The following C1QC variants were observed in gnomAD, a reference collection of about 807,000 sequenced individuals.
The protein encoded by C1QC is complement C1q C chain.
A neutral mutation model predicts 5.9 loss-of-function variants in C1QC; 4 were observed. The observed-to-expected ratio is 0.68, with a 90% CI of 0.33 to 1.55. The LOEUF is 1.55. C1QC is among the 40% of genes most tolerant of loss of function. C1QC has a pLI of 0.06. For synonymous variants in C1QC, 166 were observed against 153.8 expected (o/e 1.08, Z -0.59); for missense variants, 299 against 326.9 (o/e 0.91, Z 0.66).
At position 22,647,421 on chromosome 1, in the gene C1QC, C is replaced by T. The variant is rs759613063; in HGVS notation, c.376C>T (p.Arg126Trp). The T allele has an allele frequency of 1.9e-5, 30 of 1,613,994 alleles. No homozygotes were observed. Among genetic ancestry groups the T allele is most frequent in the African/African-American group, 2.7e-5 (2 of 74,902 alleles). The change falls in exon 3 of 3, where the codon CGG (arginine) becomes TGG (tryptophan). Residue 126 changes from arginine to tryptophan, a missense_variant. By Grantham distance (101) the Arg-to-Trp change is moderately radical. Coordinates refer to ENST00000374640, the MANE Select transcript of C1QC (RefSeq NM_172369.5). ...ATTCCAGTCAGTGTTCACGGTCACT[C>T]GGCAGACCCACCAGCCCCCTGCACC... is the stretch of plus-strand genomic sequence containing the variant. Reference protein sequence around the residue: ...QKFQSVFTVTRQTHQPPAPNS... With the variant: ...QKFQSVFTVTWQTHQPPAPNS...
Position 22,647,504 on chromosome 1 carries a change from G to A in C1QC, c.459G>A (p.Thr153=), listed in dbSNP as rs201352064. 85 of 1,614,212 alleles carry A rather than the reference G, an allele frequency of 5.3e-5. No homozygotes were observed. The highest frequency in any genetic ancestry group is 3.1e-4 in the African/African-American group (23 of 75,048). Residue 153 remains threonine (T), a synonymous_variant, in exon 3 of 3, where the codon ACG becomes ACA. Transcript: ENST00000374640. ...CCAACCCGCAGGGAGATTATGACAC[G>A]AGCACTGGCAAGTTCACCTGCAAAG... ...VLTNPQGDYD[T]STGKFTCKVP...
In C1QC at chr1:22,647,551, T is replaced by C. The variant is rs1642391911; in HGVS notation, c.506T>C (p.Val169Ala). The C allele has an allele frequency of 6.2e-7, 1 of 1,614,248 alleles. No homozygotes were observed. Among genetic ancestry groups the C allele is most frequent in the Non-Finnish European group, 8.5e-7 (1 of 1,180,040 alleles). Residue 169 changes from valine to alanine, a missense_variant, in exon 3 of 3, where the codon GTC becomes GCC. Val to Ala is a moderately conservative substitution (Grantham distance 64). Coordinates refer to ENST00000374640, the MANE Select transcript of C1QC (RefSeq NM_172369.5). ...TCKVPGLYYF[V>A]YHASHTANLC... ...AAAGTCCCCGGCCTCTACTACTTTG[T>C]CTACCACGCGTCGCATACAGCCAAC...
rs1461313017 is a variant in C1QC at position 22,647,940 on chromosome 1, C to A, written c.*157C>A. 1.1e-5 allele frequency: 10 copies of A among 930,148 alleles called. No individual in the cohort carries two copies. The highest frequency in any genetic ancestry group is 3.3e-5 in the South Asian group (2 of 60,436). The allele number at this position is 930,148 out of a possible 1,614,324, so 57.6% of individuals were successfully genotyped here. A position where few individuals can be genotyped will look rare whatever the true frequency, so the allele number is the denominator to read the frequency against. ...CCCACCCTGACCCACCCCCACTGCA[C>A]CCCCTCCCCATGGGTTCTCTCCTTC... On this transcript the variant is annotated 3_prime_UTR_variant, in exon 3 of 3. Transcript: ENST00000374640.
At chr1:22,645,792 G>A (rs1430133055) in intron 2 of C1QC, among the ~76,000 whole-genome samples, 1 of 152,118 alleles carries the variant, frequency 6.6e-6, no homozygotes, top group African/African-American at 2.4e-5. Flanking sequence ...CAGGGTCACA[G>A]ATGTGAAGGC....
chr1:22,645,261 C>T (rs556534037), intron 2 of C1QC, among the ~76,000 whole-genome samples: 1 of 152,168 alleles, frequency 6.6e-6, no homozygotes, highest in African/African-American at 2.4e-5. Context: ...TGCCATTTTC[C>T]AGGAGCTTGT....
chr1:22,644,347 G>A (rs750643763), intron 2 of C1QC, 143 bp downstream of exon 2: 12 of 1,158,708 alleles, frequency 1.0e-5, no homozygotes, highest in East Asian at 8.0e-5. Flanking sequence ...GGACTCTCAC[G>A]GTGTGTCTGG....
At chr1:22,644,374 GC>G (rs1219749551) in intron 2 of C1QC, among the ~76,000 whole-genome samples, 170 bp downstream of exon 2, 1 of 152,130 alleles carries the variant, frequency 6.6e-6, no homozygotes, top group East Asian at 1.9e-4. Flanking sequence ...TATCCTCAGA[GC>G]CCAGGCTTCA....
In C1QC at chr1:22,647,855, G is replaced by A; in HGVS notation, c.*72G>A. The A allele has an allele frequency of 1.3e-6, 2 of 1,585,090 alleles. No individual in the cohort carries two copies. The highest frequency in any genetic ancestry group is 2.2e-5 in the East Asian group (1 of 44,660). On this transcript the variant is annotated 3_prime_UTR_variant, in exon 3 of 3. Coordinates refer to ENST00000374640, the MANE Select transcript of C1QC (RefSeq NM_172369.5). ...CTTCCTGCATGGACCCACCTTACTG[G>A]CCAGTCTGCATCCTTGCCTAGACCA... is the stretch of plus-strand genomic sequence containing the variant.
chr1:22,645,795 G>A (rs1294026504), intron 2 of C1QC, among the ~76,000 whole-genome samples: 1 of 152,158 alleles, frequency 6.6e-6, no homozygotes, highest in East Asian at 1.9e-4. Flanking sequence ...GGTCACAGAT[G>A]TGAAGGCCAG....
intron 2 of C1QC, among the ~76,000 whole-genome samples, chr1:22,644,871 G>A (rs954918421): frequency 9.2e-5 from 14 of 152,170 alleles, no homozygotes; most frequent in Non-Finnish European, 2.9e-5. Context: ...GGAGTAGGAG[G>A]TCAGGATCGC....
intron 2 of C1QC, 110 bp from the exon 3 acceptor site, chr1:22,647,117 G>T (rs908591364): frequency 7.8e-7 from 1 of 1,287,856 alleles, no homozygotes; most frequent in Admixed American, 2.0e-5. Flanking sequence ...TCTATGAGAA[G>T]GAGATTCTAG....
chr1:22,647,543 C>T lies in C1QC; in HGVS notation c.498C>T (p.Tyr166=), dbSNP rs756009856. The change falls in exon 3 of 3, where the codon TAC becomes TAT. Residue 166 remains tyrosine (Y), a synonymous_variant. Transcript: ENST00000374640. The part of the protein sequence containing the change: ...GKFTCKVPGL[Y]YFVYHASHTA... Reference sequence around the variant, plus strand: ...TCACCTGCAAAGTCCCCGGCCTCTACTACTTTGTCTACCACGCGTCGCATA... The same window carrying T: ...TCACCTGCAAAGTCCCCGGCCTCTATTACTTTGTCTACCACGCGTCGCATA... 6.2e-7 allele frequency: 1 copy of T among 1,614,258 alleles called. No homozygotes were observed. The highest frequency in any genetic ancestry group is 8.5e-7 in the Non-Finnish European group (1 of 1,180,058).
In C1QC at chr1:22,647,836, G is replaced by T; in HGVS notation, c.*53G>T. 1.9e-6 allele frequency: 3 copies of T among 1,595,496 alleles called. No individual in the cohort carries two copies. The highest frequency in any genetic ancestry group is 1.1e-5 in the South Asian group (1 of 90,810). ...GGCCTTCCACCTCCCTCAGCTTCCT[G>T]CATGGACCCACCTTACTGGCCAGTC... On this transcript the variant is annotated 3_prime_UTR_variant, in exon 3 of 3. Transcript: ENST00000374640.
rs925627952 is a variant in C1QC, at chr1:22,643,691, A to C, written c.-37A>C. 1.7e-6 allele frequency: 2 copies of C among 1,155,070 alleles called. No individual in the cohort carries two copies. The highest frequency in any genetic ancestry group is 3.5e-5 in the South Asian group (1 of 28,940). 71.6% of individuals were successfully genotyped at this position (1,155,070 alleles called of 1,614,324 possible). A position where few individuals can be genotyped will look rare whatever the true frequency, so the allele number is the denominator to read the frequency against. Reference sequence around the variant, plus strand: ...GCAGATCTGAGGACATCTCTGTGCCAGGCCAGAAACCGCCCACCTGCAGGT... The same window carrying C: ...GCAGATCTGAGGACATCTCTGTGCCCGGCCAGAAACCGCCCACCTGCAGGT... On this transcript the variant is annotated 5_prime_UTR_variant, in exon 1 of 3. Coordinates refer to ENST00000374640, the MANE Select transcript of C1QC (RefSeq NM_172369.5).
intron 2 of C1QC, among the ~76,000 whole-genome samples, chr1:22,646,157 C>T (rs1261037298): frequency 6.6e-6 from 1 of 152,184 alleles, no homozygotes; most frequent in East Asian, 1.9e-4. Flanking sequence ...AACTCGGCTT[C>T]CTCATCGGCA....
intron 2 of C1QC, among the ~76,000 whole-genome samples, chr1:22,644,724 A>C (rs1642340792): frequency 6.6e-6 from 1 of 152,238 alleles, no homozygotes; most frequent in Admixed American, 6.5e-5. Flanking sequence ...GGTTGCTGTG[A>C]GGATTAAGTT....
chr1:22,647,774 C>T lies in C1QC; in HGVS notation c.729C>T (p.Phe243=). 6.3e-7 allele frequency: 1 copy of T among 1,599,826 alleles called. No homozygotes were observed. The highest frequency in any genetic ancestry group is 8.5e-7 in the Non-Finnish European group (1 of 1,179,946). ...GCGTCTTCTCCGGCTTCCTGCTCTT[C>T]CCCGACTAGGGCGGGCAGATGCGCT... is the stretch of plus-strand genomic sequence containing the variant. The part of the protein sequence containing the change: ...SDSVFSGFLL[F]PD Residue 243 remains phenylalanine, a synonymous_variant, in exon 3 of 3, where the codon TTC becomes TTT. Transcript: ENST00000374640.
In C1QC at chr1:22,647,952, G is replaced by A. The variant is rs1642406722; in HGVS notation, c.*169G>A. 1 of 839,174 alleles carries A rather than the reference G, an allele frequency of 1.2e-6. No homozygotes were observed. The highest frequency in any genetic ancestry group is 1.7e-5 in the South Asian group (1 of 57,894). The allele number at this position is 839,174 out of a possible 1,614,324, so 52.0% of individuals were successfully genotyped here. A position where few individuals can be genotyped will look rare whatever the true frequency, so the allele number is the denominator to read the frequency against. On this transcript the variant is annotated 3_prime_UTR_variant, in exon 3 of 3. Coordinates refer to ENST00000374640, the MANE Select transcript of C1QC (RefSeq NM_172369.5). ...CACCCCCACTGCACCCCCTCCCCAT[G>A]GGTTCTCTCCTTCCTCTGAACTTCT...
chr1:22,647,313 A>T lies in C1QC; in HGVS notation c.268A>T (p.Met90Leu). ...CGGCCATCCTGGGAAAAATGGCCCC[A>T]TGGGACCCCCTGGGATGCCAGGGGT... ...LPGHPGKNGP[M>L]GPPGMPGVPG... The change falls in exon 3 of 3, where the codon ATG (methionine) becomes TTG (leucine). Residue 90 changes from methionine (M) to leucine (L), a missense_variant. Physicochemically the swap from Met to Leu is conservative, Grantham distance 15 (BLOSUM62 2). This residue lies in a region of C1QC where 146 missense variants were observed against 144.1 expected (regional missense o/e 1.01). Coordinates refer to ENST00000374640, the MANE Select transcript of C1QC (RefSeq NM_172369.5). 6.2e-7 allele frequency: 1 copy of T among 1,613,784 alleles called. No homozygotes were observed. The highest frequency in any genetic ancestry group is 8.5e-7 in the Non-Finnish European group (1 of 1,179,930).
Sources: allele counts gnomAD v4.1 joint callset (sites outside exome capture counted in the v4.1 genomes callset), GRCh38; gene constraint gnomAD v4.1.1; regional missense constraint gnomAD v4.1.1; transcripts MANE v1.5; gene names NCBI Gene and HGNC (gene_info 2026-07-23, HGNC 2026-07-21).